Variants in LRP1B observed in about 807,000 individuals in gnomAD.
LRP1B encodes the protein low-density lipoprotein receptor-related protein 1B.
Under a neutral mutation model 556.6 loss-of-function variants are expected in LRP1B, and 217 were observed. The observed-to-expected ratio is 0.39, with a 90% CI of 0.35 to 0.44. The LOEUF (loss-of-function observed/expected upper bound fraction) is 0.44, where lower values mean the gene tolerates loss of function less well. LRP1B is among the 20% of genes least tolerant of loss of function. The pLI, the probability that LRP1B is intolerant of heterozygous loss-of-function variation, is 1.00. For synonymous variants in LRP1B, 2,047 were observed against 1,865.8 expected (o/e 1.10, Z -2.50); for missense variants, 5,053 against 5,620.8 (o/e 0.90, Z 3.23).
At chr2:141,331,552 C>CTTTCTTTCTTTCTTTCTTTCT (rs1573817128) in intron 3 of LRP1B, among the ~76,000 whole-genome samples, 2 of 143,066 alleles carry the variant, frequency 1.4e-5, no homozygotes, top group Admixed American at 7.1e-5. Context: ...TTCTTTCTTT[C>CTTTCTTTCTTTCTTTCTTTCT]TTATTTGGGA....
chr2:141,106,403 A>C (rs1447220621), intron 7 of LRP1B, among the ~76,000 whole-genome samples: 1 of 152,216 alleles, frequency 6.6e-6, no homozygotes, highest in Non-Finnish European at 1.5e-5. Flanking sequence ...ACTTTTGATC[A>C]TGTAAGCATT....
At chr2:141,845,115 C>G (rs886091443) in intron 1 of LRP1B, among the ~76,000 whole-genome samples, 9 of 141,374 alleles carry the variant, frequency 6.4e-5, no homozygotes, top group African/African-American at 2.1e-4. Context: ...CTGTTATGGT[C>G]TTCATTTTCA....
At chr2:141,868,776 T>C (rs1055561278) in intron 1 of LRP1B, among the ~76,000 whole-genome samples, 2 of 152,116 alleles carry the variant, frequency 1.3e-5, no homozygotes, top group Admixed American at 6.6e-5. Context: ...TAAATGCCTA[T>C]AGTAAATTGA....
At chr2:140,355,478 C>G (rs1414705219) in intron 75 of LRP1B, among the ~76,000 whole-genome samples, 1 of 151,932 alleles carries the variant, frequency 6.6e-6, no homozygotes, top group African/African-American at 2.4e-5. Context: ...CGTGACTACA[C>G]TTTTTCCCCT....
chr2:140,327,667 T>C (rs958991589), intron 79 of LRP1B, among the ~76,000 whole-genome samples: 18 of 152,168 alleles, frequency 1.2e-4, no homozygotes, highest in African/African-American at 4.3e-4. Flanking sequence ...CCGGTAACAT[T>C]AGTTTTAGAC....
Position 141,651,477 on chromosome 2 carries a change from G to A in LRP1B, c.205+158802C>T, listed in dbSNP as rs780776240. On this transcript the variant is annotated intron_variant, in intron 2 of 90. Coordinates refer to ENST00000389484, the MANE Select transcript of LRP1B (RefSeq NM_018557.3). ...TCGGTAGTCCAAGATCAGCCTGGCC[G>A]ACATGGTGAAACCCCATCTCTACTA... Among the ~76,000 whole-genome samples, 4 of 152,112 alleles carry A rather than the reference G, an allele frequency of 2.6e-5. No homozygotes were observed. In the South Asian group the frequency reaches 8.3e-4, roughly 32 times the overall value.
chr2:140,251,226 A>T (rs1681397452), intron 86 of LRP1B, among the ~76,000 whole-genome samples: 1 of 151,892 alleles, frequency 6.6e-6, no homozygotes, highest in African/African-American at 2.4e-5. Context: ...TTATAAGGGG[A>T]CAAACTATAA....
At chr2:141,709,821 A>G (rs1234381017) in intron 2 of LRP1B, among the ~76,000 whole-genome samples, 1 of 152,098 alleles carries the variant, frequency 6.6e-6, no homozygotes, top group Non-Finnish European at 1.5e-5. Flanking sequence ...GCTATGGAAT[A>G]CCAGAGATTG....
intron 2 of LRP1B, among the ~76,000 whole-genome samples, chr2:141,622,110 T>C (rs355580): frequency 0.96 from 145,580 of 152,212 alleles, 69,636 homozygotes; most frequent in East Asian, 0.99. Flanking sequence ...AGGCAGGTCT[T>C]GAACTCCCGA....
At chr2:140,752,342 T>G (rs1688609933) in intron 35 of LRP1B, among the ~76,000 whole-genome samples, 1 of 100,392 alleles carries the variant, frequency 1.0e-5, no homozygotes, top group Admixed American at 1.1e-4. Flanking sequence ...TTTTTTTTAA[T>G]AGGCAGAGTC....
chr2:140,505,498 T>C (rs1421636203), intron 53 of LRP1B, among the ~76,000 whole-genome samples: 1 of 152,236 alleles, frequency 6.6e-6, no homozygotes, highest in East Asian at 1.9e-4. Flanking sequence ...TAATATGTTA[T>C]TGTACTATAT....
At chr2:141,010,972 G>C (rs572628803) in intron 14 of LRP1B, among the ~76,000 whole-genome samples, 1 of 150,326 alleles carries the variant, frequency 6.7e-6, no homozygotes, top group Non-Finnish European at 1.5e-5. Context: ...GTGTGTGTGT[G>C]TGTGTGTGTA....
chr2:141,425,799 C>G (rs1404594142), intron 3 of LRP1B, among the ~76,000 whole-genome samples: 1 of 150,896 alleles, frequency 6.6e-6, no homozygotes, highest in Non-Finnish European at 1.5e-5. Flanking sequence ...TGTTTGAGTT[C>G]ATTGTAGATT....
chr2:140,407,814 A>C (rs1684808457), intron 66 of LRP1B, among the ~76,000 whole-genome samples: 1 of 152,048 alleles, frequency 6.6e-6, no homozygotes, highest in Non-Finnish European at 1.5e-5. Flanking sequence ...TTGAGCCAGC[A>C]GTCCTACTAC....
At chr2:141,069,814 T>C (rs914681280) in intron 7 of LRP1B, among the ~76,000 whole-genome samples, 14 of 152,078 alleles carry the variant, frequency 9.2e-5, no homozygotes, top group Non-Finnish European at 8.8e-5. Context: ...TCTTTTATTA[T>C]TATTATACTT....
At chr2:141,822,130 C>CACACAGAGAGAGAGAGAGAGAGAGAGAG (rs374369026) in intron 1 of LRP1B, among the ~76,000 whole-genome samples, 3 of 95,864 alleles carry the variant, frequency 3.1e-5, no homozygotes, top group African/African-American at 1.3e-4. Flanking sequence ...CACACACACA[C>CACACAGAGAGAGAGAGAGAGAGAGAGAG]AGAGAGAGAG....
chr2:141,554,655 T>C (rs974711720), intron 2 of LRP1B, among the ~76,000 whole-genome samples: 1 of 151,958 alleles, frequency 6.6e-6, no homozygotes, highest in African/African-American at 2.4e-5. Flanking sequence ...TTTTTAATGA[T>C]ATGTTTCTAT....
At chr2:140,370,651 C>T (rs1188419843) in intron 71 of LRP1B, 59 bp downstream of exon 71, 3 of 1,597,002 alleles carry the variant, frequency 1.9e-6, no homozygotes, top group Non-Finnish European at 1.7e-6. Flanking sequence ...GTATATTCTG[C>T]ACAGAACCTT....
At chr2:140,452,828 T>C (rs1686937732) in intron 62 of LRP1B, among the ~76,000 whole-genome samples, 1 of 152,038 alleles carries the variant, frequency 6.6e-6, no homozygotes. Context: ...TTAAAAAATA[T>C]GAGTGTGAAT....
Sources: gnomAD v4.1 joint callset for allele counts (sites outside exome capture counted in the v4.1 genomes callset) on GRCh38, gnomAD v4.1.1 for gene constraint, MANE v1.5 for transcripts, NCBI Gene and HGNC (gene_info 2026-07-23, HGNC 2026-07-21) for gene names.